The following ACTR3C variants were observed in gnomAD, a reference collection of about 807,000 sequenced individuals.
ACTR3C encodes the protein actin related protein 3C.
A neutral mutation model predicts 26.3 loss-of-function variants in ACTR3C; 18 were observed. The ratio of observed to expected loss-of-function variants is 0.68; its 90% CI spans 0.47 to 1.01. The LOEUF (loss-of-function observed/expected upper bound fraction) is 1.01. Among genes scored for constraint, ACTR3C ranks in the 50% least tolerant of loss-of-function variants. The pLI is 0.00. For missense variants in ACTR3C, 184 were observed against 250.7 expected, an observed-to-expected ratio of 0.73 and a Z score of 1.80; for synonymous variants, 55 against 94.5, an observed-to-expected ratio of 0.58 and a Z score of 2.42.
the ACTR3C span, among the ~76,000 whole-genome samples, chr7:150,067,891 C>CT: frequency 1.6e-4 from 24 of 151,484 alleles, no homozygotes; most frequent in African/African-American, 5.3e-4. Flanking sequence ...GGTTCTAGAT[C>CT]TTTTTTGTCT....
At chr7:149,993,787 C>A in the ACTR3C span, among the ~76,000 whole-genome samples, 8 of 152,226 alleles carry the variant, frequency 5.3e-5, no homozygotes, top group Non-Finnish European at 7.3e-5. Context: ...CCAGGCCAAC[C>A]CTCTGACCCC....
chr7:150,299,491 A>C lies in ACTR3C; in HGVS notation c.-51-4144T>G, dbSNP rs1325247288. On this transcript the variant is annotated intron_variant, in intron 1 of 7. Transcript: ENST00000683684. ...AAAAAAAAAAAAAAAAAAAAAAAAAAAAACAAAAAACAGGCTGGGTGGTGT... is the reference window on the plus strand; with the variant it reads ...AAAAAAAAAAAAAAAAAAAAAAAAACAAACAAAAAACAGGCTGGGTGGTGT... Among the ~76,000 whole-genome samples, 22 of 144,812 alleles carry C rather than the reference A, an allele frequency of 1.5e-4. 1 individual carries two copies. The South Asian group carries it at 3.2e-3, about 21-fold the overall frequency.
downstream of ACTR3C, among the ~76,000 whole-genome samples, chr7:150,241,396 A>G (rs1384446449): frequency 6.6e-6 from 1 of 152,218 alleles, no homozygotes; most frequent in Non-Finnish European, 1.5e-5. Context: ...CAGAGACACG[A>G]GAGCTAGTCC....
At chr7:150,034,905 C>A in the ACTR3C span, among the ~76,000 whole-genome samples, 1 of 146,964 alleles carries the variant, frequency 6.8e-6, no homozygotes, top group Non-Finnish European at 1.5e-5. Context: ...GGGGGTGCCT[C>A]CCCCACCCTG....
chr7:150,203,636 G>A, the ACTR3C span, among the ~76,000 whole-genome samples: 1 of 152,052 alleles, frequency 6.6e-6, no homozygotes, highest in South Asian at 2.1e-4. Context: ...CATGATCTCG[G>A]CTCACTGCAA....
At chr7:149,917,691 C>A in the ACTR3C span, among the ~76,000 whole-genome samples, 1 of 132,994 alleles carries the variant, frequency 7.5e-6, no homozygotes, top group Non-Finnish European at 1.5e-5. Flanking sequence ...GGCTGGAGTG[C>A]AGTGGTGCAA....
the ACTR3C span, among the ~76,000 whole-genome samples, chr7:150,224,885 T>A: frequency 1.3e-5 from 2 of 152,180 alleles, no homozygotes; most frequent in African/African-American, 4.8e-5. Flanking sequence ...TATGAATATT[T>A]GTATGATATT....
At chr7:150,323,264 C>T (rs1240201993) in intron 1 of ACTR3C, 3 of 247,856 alleles carry the variant, frequency 1.2e-5, no homozygotes, top group African/African-American at 7.1e-5. Flanking sequence ...AAGACCCCCG[C>T]AGGCTGCGCT....
the ACTR3C span, among the ~76,000 whole-genome samples, chr7:149,885,463 A>G: frequency 6.6e-6 from 1 of 152,208 alleles, no homozygotes; most frequent in Admixed American, 6.5e-5. Context: ...GGCCGGGGGC[A>G]GGGAGCTCCG....
chr7:150,113,051 C>A, the ACTR3C span, among the ~76,000 whole-genome samples: 3 of 152,184 alleles, frequency 2.0e-5, no homozygotes, highest in East Asian at 5.8e-4. Context: ...AATCAGACAA[C>A]AAATCAATGG....
chr7:150,021,435 C>CT, the ACTR3C span, among the ~76,000 whole-genome samples: 1 of 150,238 alleles, frequency 6.7e-6, no homozygotes, highest in Non-Finnish European at 1.5e-5. Flanking sequence ...GAGTTATTGT[C>CT]TATTTCAACA....
In ACTR3C at chr7:150,270,430, G is replaced by A. The variant is rs113750247; in HGVS notation, c.564+14323C>T. 9.1e-3 allele frequency among the ~76,000 whole-genome samples: 1,369 copies of A among 150,066 alleles called. 1 individual carries two copies. Among genetic ancestry groups the A allele is most frequent in the East Asian group, 0.024 (123 of 5,036 alleles). On this transcript the variant is annotated intron_variant, in intron 6 of 7. Coordinates refer to ENST00000683684, the MANE Select transcript of ACTR3C (RefSeq NM_001164458.2). ...GTACTATTCCCATCCCCATTCTGCCGAGAAGGACGCTGAGGCACAGTGAGA... is the reference window on the plus strand; with the variant it reads ...GTACTATTCCCATCCCCATTCTGCCAAGAAGGACGCTGAGGCACAGTGAGA...
the ACTR3C span, among the ~76,000 whole-genome samples, chr7:150,160,811 C>A: frequency 6.6e-6 from 1 of 151,390 alleles, no homozygotes; most frequent in African/African-American, 2.4e-5. Flanking sequence ...AGGCACCCTA[C>A]AGATATTTGT....
the ACTR3C span, among the ~76,000 whole-genome samples, chr7:150,099,883 G>A: frequency 2.0e-5 from 3 of 150,480 alleles, no homozygotes; most frequent in African/African-American, 7.4e-5. Context: ...CCTAGAAAAG[G>A]GAGGTCGCAG....
the ACTR3C span, among the ~76,000 whole-genome samples, chr7:150,191,339 A>G: frequency 6.6e-6 from 1 of 152,218 alleles, no homozygotes; most frequent in African/African-American, 2.4e-5. Flanking sequence ...AGATCTCCCA[A>G]ACAAAGAAAA....
the ACTR3C span, among the ~76,000 whole-genome samples, chr7:150,087,860 C>T: frequency 3.3e-5 from 5 of 152,162 alleles, no homozygotes; most frequent in East Asian, 1.9e-4. Context: ...TTATTAGGCA[C>T]GTAAAAGATA....
the ACTR3C span, among the ~76,000 whole-genome samples, chr7:150,193,178 A>G: frequency 6.6e-6 from 1 of 152,148 alleles, no homozygotes; most frequent in African/African-American, 2.4e-5. Flanking sequence ...TTCAGTCAAC[A>G]TAATTGGTAC....
At chr7:150,041,789 C>CG in the ACTR3C span, among the ~76,000 whole-genome samples, 3 of 81,444 alleles carry the variant, frequency 3.7e-5, no homozygotes, top group Non-Finnish European at 7.3e-5. Context: ...CCCTGCCTCG[C>CG]GGGGGGTGCC....
the ACTR3C span, among the ~76,000 whole-genome samples, chr7:150,095,521 T>C: frequency 1.3e-5 from 2 of 150,720 alleles, no homozygotes; most frequent in Non-Finnish European, 2.9e-5. Context: ...TCAGATAGTC[T>C]TGGCTTCTTT....
Sources: gnomAD v4.1 joint callset for allele counts (sites outside exome capture counted in the v4.1 genomes callset) on GRCh38, gnomAD v4.1.1 for gene constraint, MANE v1.5 for transcripts, NCBI Gene and HGNC (gene_info 2026-07-23, HGNC 2026-07-21) for gene names.